Variants in HDAC4 observed in about 807,000 individuals in gnomAD.
HDAC4 encodes histone deacetylase A.
In HDAC4, 16 loss-of-function variants were observed where a neutral mutation model predicts 135.1. The ratio of observed to expected loss-of-function variants is 0.12; its 90% CI spans 0.08 to 0.18. The LOEUF is 0.18. HDAC4 is among the 10% of genes least tolerant of loss of function. The pLI is 1.00. For missense variants in HDAC4, 1,143 were observed against 1,511.8 expected (o/e 0.76, Z 4.05); for synonymous variants, 685 against 653.4 (o/e 1.05, Z -0.74).
intron 3 of HDAC4, among the ~76,000 whole-genome samples, chr2:239,219,980 G>A (rs2046860492): frequency 6.6e-6 from 1 of 152,204 alleles, no homozygotes; most frequent in Non-Finnish European, 1.5e-5. Context: ...CAGAGGATGG[G>A]AATAGTACAA....
chr2:239,384,402 C>T (rs1483720755), intron 1 of HDAC4, among the ~76,000 whole-genome samples: 2 of 148,784 alleles, frequency 1.3e-5, no homozygotes, highest in African/African-American at 5.0e-5. Context: ...TCCCTTGAGA[C>T]CAGGAGCTCA....
At chr2:239,259,186 G>A (rs190188117) in intron 2 of HDAC4, among the ~76,000 whole-genome samples, 36 of 152,306 alleles carry the variant, frequency 2.4e-4, no homozygotes, top group African/African-American at 8.7e-4. Context: ...AGTGGCTCAC[G>A]CCTGTAATCC....
At chr2:239,223,484 T>G (rs1166007435) in intron 3 of HDAC4, among the ~76,000 whole-genome samples, 1 of 152,224 alleles carries the variant, frequency 6.6e-6, no homozygotes, top group Non-Finnish European at 1.5e-5. Context: ...TTCAGACTTC[T>G]GTCCAGAAAA....
intron 3 of HDAC4, among the ~76,000 whole-genome samples, chr2:239,220,479 G>A (rs983053127): frequency 3.3e-5 from 5 of 152,212 alleles, no homozygotes; most frequent in African/African-American, 7.2e-5. Context: ...GACAGATTGC[G>A]GATCTAGGCA....
intron 2 of HDAC4, among the ~76,000 whole-genome samples, chr2:239,338,541 T>C (rs1692094458): frequency 6.6e-6 from 1 of 152,208 alleles, no homozygotes; most frequent in South Asian, 2.1e-4. Flanking sequence ...GCTCAAAGTT[T>C]ATTCACACTG....
chr2:239,230,909 C>A (rs140272912), intron 3 of HDAC4, among the ~76,000 whole-genome samples: 1 of 152,218 alleles, frequency 6.6e-6, no homozygotes, highest in Non-Finnish European at 1.5e-5. Flanking sequence ...ATCTAGGAGG[C>A]AGCATGAGCT....
intron 2 of HDAC4, among the ~76,000 whole-genome samples, chr2:239,317,370 C>T (rs557580443): frequency 3.0e-4 from 46 of 152,108 alleles, no homozygotes; most frequent in African/African-American, 9.9e-4. Flanking sequence ...CTCTGGCGGC[C>T]GAGAGCTGGT....
At chr2:239,108,531 G>T (rs1313198243) in intron 14 of HDAC4, among the ~76,000 whole-genome samples, 1 of 152,158 alleles carries the variant, frequency 6.6e-6, no homozygotes, top group Non-Finnish European at 1.5e-5. Context: ...CCTTGCAGGG[G>T]TGAGCTCTAT....
chr2:239,310,833 C>T (rs545421769), intron 2 of HDAC4, among the ~76,000 whole-genome samples: 228 of 152,308 alleles, frequency 1.5e-3, no homozygotes, highest in Non-Finnish European at 2.8e-3. Flanking sequence ...TGGTGAGAGG[C>T]TTCAACCCTT....
chr2:239,336,014 GAT>G (rs1270451809), intron 2 of HDAC4, among the ~76,000 whole-genome samples: 1 of 152,150 alleles, frequency 6.6e-6, no homozygotes, highest in Non-Finnish European at 1.5e-5. Flanking sequence ...AATAATTTGT[GAT>G]ATGTTCATAC....
chr2:239,113,137 C>T (rs927315102), intron 13 of HDAC4, among the ~76,000 whole-genome samples: 13 of 152,172 alleles, frequency 8.5e-5, no homozygotes, highest in Non-Finnish European at 1.6e-4. Context: ...GTAATCCCAG[C>T]TACTTGGGAG....
rs1010803640 is a variant in HDAC4, at chr2:239,052,352, T to C, written c.*745A>G. 3.9e-5 allele frequency: 6 copies of C among 152,344 alleles called. No homozygotes were observed. The highest frequency in any genetic ancestry group is 1.4e-4 in the African/African-American group (6 of 41,436). The allele number at this position is 152,344 out of a possible 1,614,324, so 9.4% of individuals were successfully genotyped here. On this transcript the variant is annotated 3_prime_UTR_variant, in exon 27 of 27. Coordinates refer to ENST00000543185, the MANE Select transcript of HDAC4 (RefSeq NM_001378414.1). ...TCCCACCGATTCCTGCTGTTTGTTT[T>C]TTCTTAAGGCATTGTTCCTCAGACT...
chr2:239,195,595 G>A (rs950870799), intron 3 of HDAC4, among the ~76,000 whole-genome samples: 7 of 152,196 alleles, frequency 4.6e-5, no homozygotes, highest in Admixed American at 1.3e-4. Flanking sequence ...CATTCAAAAT[G>A]CCACGAGTTC....
rs948420417 is a variant in HDAC4 at position 239,219,914 on chromosome 2, A to G, written c.94+16679T>C. On this transcript the variant is annotated intron_variant, in intron 3 of 26. Coordinates refer to ENST00000543185, the MANE Select transcript of HDAC4 (RefSeq NM_001378414.1). ...TGAAGACACACATGGTCAGCACTAG[A>G]TATGAACTTGCTCTTGTACACTCAC... is the stretch of plus-strand genomic sequence containing the variant. Among the ~76,000 whole-genome samples, 5 of 152,370 alleles carry G rather than the reference A, an allele frequency of 3.3e-5. No individual in the cohort carries two copies. The South Asian group carries it at 1.0e-3, about 32-fold the overall frequency.
At chr2:239,375,970 G>A (rs554437598) in intron 1 of HDAC4, among the ~76,000 whole-genome samples, 3 of 152,368 alleles carry the variant, frequency 2.0e-5, no homozygotes, top group African/African-American at 4.8e-5. Context: ...ACAGCCTGCT[G>A]GACGCCCTGG....
intron 12 of HDAC4, among the ~76,000 whole-genome samples, chr2:239,116,038 T>A (rs1282544613): frequency 6.6e-6 from 1 of 152,100 alleles, no homozygotes; most frequent in Non-Finnish European, 1.5e-5. Context: ...CCCGACCTCT[T>A]TTCCTGTTGG....
chr2:239,134,753 G>A (rs943206823), intron 9 of HDAC4, 110 bp from the exon 10 acceptor site: 4 of 811,874 alleles, frequency 4.9e-6, no homozygotes, highest in Non-Finnish European at 8.7e-6. Context: ...TGATATATGA[G>A]CGTAAACGTA....
chr2:239,092,558 C>A (rs1302550274), intron 17 of HDAC4, among the ~76,000 whole-genome samples: 1 of 152,190 alleles, frequency 6.6e-6, no homozygotes. Context: ...GTGTCTGTGC[C>A]CCCTCCCATG....
At chr2:239,175,680 C>T (rs1172322639) in intron 5 of HDAC4, among the ~76,000 whole-genome samples, 2 of 152,200 alleles carry the variant, frequency 1.3e-5, no homozygotes, top group African/African-American at 4.8e-5. Flanking sequence ...AACCTCACAC[C>T]TGCTTTGAAG....
Sources: gnomAD v4.1 joint callset for allele counts (sites outside exome capture counted in the v4.1 genomes callset) on GRCh38, gnomAD v4.1.1 for gene constraint, MANE v1.5 for transcripts, NCBI Gene and HGNC (gene_info 2026-07-23, HGNC 2026-07-21) for gene names.